The following SYF2 variants were observed in gnomAD, a reference collection of about 807,000 sequenced individuals.
SYF2 encodes SYF2 pre-mRNA splicing factor.
In SYF2, 21 loss-of-function variants were observed where a neutral mutation model predicts 32.7. The observed-to-expected ratio is 0.64, with a 90% CI of 0.45 to 0.92. The LOEUF (loss-of-function observed/expected upper bound fraction) is 0.92, where lower values mean the gene tolerates loss of function less well. Ranked by LOEUF, SYF2 falls within the 40% of genes least tolerant of loss-of-function variation. The pLI is 0.00. For missense variants in SYF2, 278 were observed against 296.5 expected (o/e 0.94, Z 0.46); for synonymous variants, 114 against 103.9 (o/e 1.10, Z -0.59).
chr1:25,223,556 G>C, intron 6 of SYF2, 125 bp from the exon 7 acceptor site: 1 of 914,266 alleles, frequency 1.1e-6, no homozygotes, highest in Non-Finnish European at 1.6e-6. Flanking sequence ...GAGGAAGCCA[G>C]GAGAGTTTTC....
At chr1:25,231,761 C>T (rs1466257122) in intron 2 of SYF2, 6 of 321,402 alleles carry the variant, frequency 1.9e-5, no homozygotes, top group Admixed American at 4.5e-5. Context: ...AGACAAGTTT[C>T]TTCCTGTCTC....
At position 25,230,129 on chromosome 1, in the gene SYF2, T is replaced by C. The variant is rs146817491; in HGVS notation, c.133-1006A>G. On this transcript the variant is annotated intron_variant, in intron 2 of 6. Transcript: ENST00000236273. Reference sequence around the variant, plus strand: ...CACCACACCAGGCCTCAATTATCTTTTAATCCTAATTCAAGAAAAAAGCCT... The same window carrying C: ...CACCACACCAGGCCTCAATTATCTTCTAATCCTAATTCAAGAAAAAAGCCT... Among the ~76,000 whole-genome samples the C allele has an allele frequency of 2.5e-3, 375 of 152,282 alleles. 2 individuals are homozygous for C. Among genetic ancestry groups the C allele is most frequent in the Middle Eastern group, 6.8e-3 (2 of 294 alleles).
chr1:25,228,003 GCCT>G (rs1638547886), intron 4 of SYF2, 112 bp downstream of exon 4: 1 of 805,530 alleles, frequency 1.2e-6, no homozygotes. Context: ...TTGGTCTTAA[GCCT>G]CATCAAGAAT....
chr1:25,225,193 C>T (rs1638482441), intron 5 of SYF2, 93 bp from the exon 6 acceptor site: 1 of 829,992 alleles, frequency 1.2e-6, no homozygotes, highest in African/African-American at 1.7e-5. Context: ...AGAAAGTATA[C>T]ACATACATTT....
rs759922108 is a variant in SYF2, at chr1:25,228,162, C to T, written c.332G>A (p.Trp111Ter). ...GTTTTTCCTCTTCTTTTTCCTCTCC[C>T]ATCTTTCTGCATCTTCTGCACTGAT... ...LEISAEDAER[W>*]ERKKKRKNPD... The change falls in exon 4 of 7, where the codon TGG becomes TAG. Residue 111 changes from tryptophan (W) to a stop codon, truncating the protein, a stop_gained. Coordinates refer to ENST00000236273, the MANE Select transcript of SYF2 (RefSeq NM_015484.5). LOFTEE classifies it high-confidence loss of function. 7 of 1,613,746 alleles carry T rather than the reference C, an allele frequency of 4.3e-6. No homozygotes were observed. The highest frequency in any genetic ancestry group is 3.3e-5 in the Admixed American group (2 of 59,982).
chr1:25,225,206 T>C, intron 5 of SYF2, 106 bp from the exon 6 acceptor site: 1 of 739,322 alleles, frequency 1.4e-6, no homozygotes, highest in Non-Finnish European at 2.4e-6. Context: ...ATACATTTAC[T>C]GTGAGATCCT....
Position 25,231,750 on chromosome 1 carries a change from T to C in SYF2, c.132+354A>G, listed in dbSNP as rs140445302. On this transcript the variant is annotated intron_variant, in intron 2 of 6. Coordinates refer to ENST00000236273, the MANE Select transcript of SYF2 (RefSeq NM_015484.5). ...AGTGAACCAGGTCTCTTACTGACAC[T>C]AGACAAGTTTCTTCCTGTCTCTAGC... The C allele has an allele frequency of 2.2e-3, 640 of 294,120 alleles. 6 individuals carry two copies. The highest frequency in any genetic ancestry group is 0.012 in the African/African-American group (547 of 46,112). The allele number at this position is 294,120 out of a possible 1,614,324, so 18.2% of individuals were successfully genotyped here.
chr1:25,231,140 A>G (rs1638621618), intron 2 of SYF2: 1 of 152,260 alleles, frequency 6.6e-6, no homozygotes, highest in African/African-American at 2.4e-5. Context: ...AGGCAGAAGT[A>G]ACGGAGTGAG....
intron 2 of SYF2, chr1:25,230,688 A>T (rs1193611223): frequency 1.3e-5 from 2 of 152,172 alleles, no homozygotes; most frequent in African/African-American, 2.4e-5. Flanking sequence ...AACCGTGGGC[A>T]TTTGAGTGAC....
rs1296602919 is a variant in SYF2 at position 25,225,041 on chromosome 1, G to A, written c.527C>T (p.Thr176Ile). Residue 176 changes from threonine to isoleucine, a missense_variant, in exon 6 of 7, where the codon ACA becomes ATA. Thr to Ile is a moderately conservative substitution (Grantham distance 89, BLOSUM62 -1). Coordinates refer to ENST00000236273, the MANE Select transcript of SYF2 (RefSeq NM_015484.5). Reference protein sequence around the residue: ...SLLHGTHVPSTEEIDRMVIDL... With the variant: ...SLLHGTHVPSIEEIDRMVIDL... ...TATGACCATCCTGTCAATTTCCTCT[G>A]TGGAAGGCACATGTGTTCCATGAAG... The A allele has an allele frequency of 6.2e-7, 1 of 1,614,040 alleles. No individual in the cohort carries two copies. The highest frequency in any genetic ancestry group is 8.5e-7 in the Non-Finnish European group (1 of 1,179,968).
chr1:25,225,191 T>C, intron 5 of SYF2, 91 bp from the exon 6 acceptor site: 2 of 833,108 alleles, frequency 2.4e-6, no homozygotes, highest in Admixed American at 2.0e-5. Context: ...TAAGAAAGTA[T>C]ACACATACAT....
chr1:25,230,290 G>A (rs889439070), intron 2 of SYF2: 2 of 151,544 alleles, frequency 1.3e-5, no homozygotes, highest in Non-Finnish European at 1.5e-5. Context: ...TATCATTGAA[G>A]AGTCTTTTTT....
chr1:25,232,222 G>C lies in SYF2; in HGVS notation c.25-11C>G, dbSNP rs754366634. The C allele has an allele frequency of 6.2e-7, 1 of 1,611,974 alleles. No individual in the cohort carries two copies. Among genetic ancestry groups the C allele is most frequent in the South Asian group, 1.1e-5 (1 of 90,832 alleles). On this transcript the variant is annotated splice_polypyrimidine_tract_variant and intron_variant, in intron 1 of 6. Coordinates refer to ENST00000236273, the MANE Select transcript of SYF2 (RefSeq NM_015484.5). ...GCTGTCCACCAGCACCTGCGACAAGGAGAACTGGCTTCAGGCAGAGCCGGC... is the reference window on the plus strand; with the variant it reads ...GCTGTCCACCAGCACCTGCGACAAGCAGAACTGGCTTCAGGCAGAGCCGGC...
At position 25,228,150 on chromosome 1, in the gene SYF2, T is replaced by C; in HGVS notation, c.344A>G (p.Lys115Arg). The C allele has an allele frequency of 6.2e-7, 1 of 1,613,942 alleles. No homozygotes were observed. The highest frequency in any genetic ancestry group is 8.5e-7 in the Non-Finnish European group (1 of 1,179,964). The change falls in exon 4 of 7, where the codon AAG becomes AGG. Residue 115 changes from lysine (K) to arginine (R), a missense_variant. Transcript: ENST00000236273. Reference protein sequence around the residue: ...AEDAERWERKKKRKNPDLGFS... With the variant: ...AEDAERWERKRKRKNPDLGFS... ...TCCCAGATCAGGGTTTTTCCTCTTC[T>C]TTTTCCTCTCCCATCTTTCTGCATC...
chr1:25,227,408 C>T (rs1367055621), intron 5 of SYF2, 34 bp downstream of exon 5: 1 of 1,543,320 alleles, frequency 6.5e-7, no homozygotes, highest in African/African-American at 1.4e-5. Flanking sequence ...CACACAAATA[C>T]ATCCACATCA....
intron 6 of SYF2, 117 bp from the exon 7 acceptor site, chr1:25,223,548 G>T (rs952820898): frequency 2.0e-6 from 2 of 985,694 alleles, no homozygotes; most frequent in Non-Finnish European, 3.0e-6. Flanking sequence ...GAGGGCTAGA[G>T]GAAGCCAGGA....
Position 25,227,532 on chromosome 1 carries a change from T to C in SYF2, c.377A>G (p.Asp126Gly). 1.2e-6 allele frequency: 2 copies of C among 1,611,456 alleles called. No individual in the cohort carries two copies. Among genetic ancestry groups the C allele is most frequent in the Non-Finnish European group, 1.7e-6 (2 of 1,179,190 alleles). ...KRKNPDLGFSDYAAAQLRQYH... is the reference protein window; with the variant it reads ...KRKNPDLGFSGYAAAQLRQYH... ...CTGGCGTAACTGGGCAGCAGCATAA[T>C]CTAAAAATATAAAATGAGAATCAGC... is the stretch of plus-strand genomic sequence containing the variant. Residue 126 changes from aspartate (D) to glycine (G), a missense_variant and splice_region_variant, in exon 5 of 7, where the codon GAT becomes GGT. Coordinates refer to ENST00000236273, the MANE Select transcript of SYF2 (RefSeq NM_015484.5).
chr1:25,225,918 G>A (rs1315455611), intron 5 of SYF2, among the ~76,000 whole-genome samples: 1 of 150,944 alleles, frequency 6.6e-6, no homozygotes, highest in Non-Finnish European at 1.5e-5. Context: ...CACTTTGGGA[G>A]GCCAAGGTGG....
At chr1:25,231,755 A>T (rs1256237039) in intron 2 of SYF2, 1 of 304,462 alleles carries the variant, frequency 3.3e-6, no homozygotes, top group Admixed American at 4.6e-5. Context: ...GACACTAGAC[A>T]AGTTTCTTCC....
Sources: gnomAD v4.1 joint callset for allele counts (sites outside exome capture counted in the v4.1 genomes callset) on GRCh38, gnomAD v4.1.1 for gene constraint, MANE v1.5 for transcripts, NCBI Gene and HGNC (gene_info 2026-07-23, HGNC 2026-07-21) for gene names.